The following UST variants were observed in gnomAD, a reference collection of about 807,000 sequenced individuals.
UST encodes the protein chondroitin sulfate 2-O-sulfotransferase.
A neutral mutation model predicts 45.6 loss-of-function variants in UST; 21 were observed. The observed-to-expected ratio is 0.46, with a 90% CI of 0.33 to 0.66. The LOEUF is 0.66. Among genes scored for constraint, UST ranks in the 30% least tolerant of loss-of-function variants. UST has a pLI of 0.02. For missense variants in UST, 463 were observed against 512.4 expected (o/e 0.90, Z 0.93); for synonymous variants, 215 against 200.6 (o/e 1.07, Z -0.61).
rs112094995 is a variant in UST, at chr6:148,956,332, T to C, written c.527+2381T>C. On this transcript the variant is annotated intron_variant, in intron 4 of 7. Transcript: ENST00000367463. ...ACAGTTCCACGTGGCTGGGGAGGCCTCAGAATCATGGCAGGAGTCGAAAGG... is the reference window on the plus strand; with the variant it reads ...ACAGTTCCACGTGGCTGGGGAGGCCCCAGAATCATGGCAGGAGTCGAAAGG... Among the ~76,000 whole-genome samples, 686 of 152,234 alleles carry C rather than the reference T, an allele frequency of 4.5e-3. 4 individuals carry two copies. Among genetic ancestry groups the C allele is most frequent in the African/African-American group, 0.015 (643 of 41,532 alleles).
At chr6:149,031,681 C>G (rs191210328) in intron 7 of UST, among the ~76,000 whole-genome samples, 1 of 152,324 alleles carries the variant, frequency 6.6e-6, no homozygotes, top group East Asian at 1.9e-4. Flanking sequence ...AAATATTTCT[C>G]TTCTCTGAAA....
At chr6:148,818,835 A>G (rs1777402989) in intron 1 of UST, among the ~76,000 whole-genome samples, 1 of 152,210 alleles carries the variant, frequency 6.6e-6, no homozygotes, top group African/African-American at 2.4e-5. Flanking sequence ...TCTGAACTTC[A>G]TACACAGAGG....
intron 1 of UST, among the ~76,000 whole-genome samples, chr6:148,827,740 A>AG (rs1777600612): frequency 6.6e-6 from 1 of 151,780 alleles, no homozygotes; most frequent in South Asian, 2.1e-4. Context: ...AAAAAAAAAA[A>AG]AAACCAACAA....
chr6:148,868,020 T>C (rs753683144), intron 1 of UST, among the ~76,000 whole-genome samples: 40 of 152,284 alleles, frequency 2.6e-4, no homozygotes, highest in Non-Finnish European at 7.4e-5. Context: ...TGTTCATCAC[T>C]GATGAGCCTG....
intron 2 of UST, among the ~76,000 whole-genome samples, chr6:148,918,724 C>T (rs781146966): frequency 1.3e-5 from 2 of 152,180 alleles, no homozygotes; most frequent in East Asian, 3.8e-4. Flanking sequence ...GCGGTAACCT[C>T]GTTATGGTGT....
intron 3 of UST, among the ~76,000 whole-genome samples, chr6:148,945,702 A>G (rs1180091532): frequency 6.6e-6 from 1 of 152,264 alleles, no homozygotes; most frequent in East Asian, 1.9e-4. Flanking sequence ...AATTAAAAAC[A>G]AAACTGCAAA....
intron 1 of UST, among the ~76,000 whole-genome samples, chr6:148,871,362 A>C (rs1778556885): frequency 6.6e-6 from 1 of 152,136 alleles, no homozygotes; most frequent in African/African-American, 2.4e-5. Flanking sequence ...CTAAGACTGT[A>C]TCCCCAGGAT....
chr6:149,048,460 TG>T (rs535928801), intron 7 of UST, among the ~76,000 whole-genome samples: 47 of 150,286 alleles, frequency 3.1e-4, no homozygotes, highest in African/African-American at 1.1e-3. Context: ...CGCTTGAACC[TG>T]GGGGGCAGAG....
At chr6:149,072,551 G>A (rs988286076) in intron 7 of UST, among the ~76,000 whole-genome samples, 6 of 151,990 alleles carry the variant, frequency 3.9e-5, no homozygotes, top group Non-Finnish European at 5.9e-5. Context: ...TACTCAGGAG[G>A]CTGAGGCAGG....
At chr6:148,791,629 A>C (rs1379336316) in intron 1 of UST, among the ~76,000 whole-genome samples, 3 of 152,136 alleles carry the variant, frequency 2.0e-5, no homozygotes, top group Non-Finnish European at 4.4e-5. Flanking sequence ...TTTCAGTACA[A>C]TACTCTTGTT....
intron 5 of UST, 166 bp downstream of exon 5, chr6:148,964,729 G>A: frequency 2.6e-6 from 2 of 783,356 alleles, no homozygotes; most frequent in Non-Finnish European, 4.0e-6. Context: ...GAGAGAAACT[G>A]GTTCCGGGTG....
chr6:149,067,305 G>A (rs1449150839), intron 7 of UST, among the ~76,000 whole-genome samples: 2 of 152,112 alleles, frequency 1.3e-5, no homozygotes, highest in African/African-American at 2.4e-5. Flanking sequence ...TCTTTGGCAG[G>A]TCCAATTTCT....
At chr6:148,779,314 A>G (rs1394910345) in intron 1 of UST, among the ~76,000 whole-genome samples, 2 of 152,160 alleles carry the variant, frequency 1.3e-5, no homozygotes, top group East Asian at 1.9e-4. Flanking sequence ...AAATTTCATC[A>G]CAGCTCTTTT....
In UST at chr6:148,956,747, A is replaced by G. The variant is rs78130029; in HGVS notation, c.527+2796A>G. On this transcript the variant is annotated intron_variant, in intron 4 of 7. Transcript: ENST00000367463. ...AGTTCTATTTTACTCAATTAAACAC[A>G]TGTCTATGGATTACCTTCTCTCTTC... is the stretch of plus-strand genomic sequence containing the variant. 6.2e-4 allele frequency among the ~76,000 whole-genome samples: 94 copies of G among 152,286 alleles called. No homozygotes were observed. In the East Asian group the frequency reaches 0.017, roughly 27 times the overall value.
chr6:148,864,460 G>A (rs1462231823), intron 1 of UST, among the ~76,000 whole-genome samples: 1 of 152,236 alleles, frequency 6.6e-6, no homozygotes, highest in African/African-American at 2.4e-5. Flanking sequence ...CCCGGGTGAG[G>A]CGATGCCCCG....
chr6:149,043,029 C>CTTTTTCTT (rs1491070887), intron 7 of UST, among the ~76,000 whole-genome samples: 9 of 101,754 alleles, frequency 8.8e-5, no homozygotes, highest in African/African-American at 3.2e-4. Flanking sequence ...CTTTTTCTTT[C>CTTTTTCTT]TTTCTTTCTT....
chr6:148,985,840 C>T (rs748970871), intron 5 of UST, among the ~76,000 whole-genome samples: 26 of 152,262 alleles, frequency 1.7e-4, no homozygotes, highest in Non-Finnish European at 2.8e-4. Flanking sequence ...ATACCATATA[C>T]ACAACCTAAA....
intron 7 of UST, among the ~76,000 whole-genome samples, chr6:149,030,059 A>C (rs1246691179): frequency 6.6e-6 from 1 of 152,224 alleles, no homozygotes; most frequent in Admixed American, 6.5e-5. Context: ...ACTTTCATAT[A>C]GATGATCTCA....
chr6:148,893,213 G>A (rs999640711), intron 2 of UST, among the ~76,000 whole-genome samples: 8 of 152,078 alleles, frequency 5.3e-5, no homozygotes, highest in South Asian at 2.1e-4. Context: ...TCAAAATTCC[G>A]TTGTAAAATG....
Sources: allele counts gnomAD v4.1 joint callset (sites outside exome capture counted in the v4.1 genomes callset), GRCh38; gene constraint gnomAD v4.1.1; transcripts MANE v1.5; gene names NCBI Gene and HGNC (gene_info 2026-07-23, HGNC 2026-07-21).